Variants in PDE11A observed in about 807,000 individuals in gnomAD.
PDE11A encodes dual 3',5'-cyclic-AMP and -GMP phosphodiesterase 11A.
PDE11A carries 100 observed loss-of-function variants against 100.5 expected under a neutral mutation model. The observed-to-expected ratio is 1.00, with a 90% CI of 0.85 to 1.18. The LOEUF (loss-of-function observed/expected upper bound fraction) is 1.18. Among genes scored for constraint, PDE11A ranks in the 50% most tolerant of loss-of-function variants. PDE11A has a pLI of 0.00. For synonymous variants in PDE11A, 381 were observed against 420.8 expected, an observed-to-expected ratio of 0.91 and a Z score of 1.16; for missense variants, 1,141 against 1,152.6, an observed-to-expected ratio of 0.99 and a Z score of 0.15.
At chr2:177,700,136 A>G (rs1452029754) in intron 14 of PDE11A, among the ~76,000 whole-genome samples, 1 of 152,162 alleles carries the variant, frequency 6.6e-6, no homozygotes, top group African/African-American at 2.4e-5. Context: ...TTAATTCCCA[A>G]CTGAAAATAC....
At chr2:177,639,747 T>C (rs1220799231) in intron 19 of PDE11A, among the ~76,000 whole-genome samples, 1 of 152,186 alleles carries the variant, frequency 6.6e-6, no homozygotes, top group Non-Finnish European at 1.5e-5. Context: ...TGCTTATTAG[T>C]TGACCACAGT....
chr2:177,996,433 T>G (rs111312854), intron 2 of PDE11A, among the ~76,000 whole-genome samples: 1 of 150,778 alleles, frequency 6.6e-6, no homozygotes, highest in East Asian at 1.9e-4. Context: ...AAGTGATTTA[T>G]GTCGTGTAGT....
chr2:177,917,951 T>C (rs1559005941), intron 2 of PDE11A, among the ~76,000 whole-genome samples: 1 of 152,226 alleles, frequency 6.6e-6, no homozygotes, highest in Non-Finnish European at 1.5e-5. Context: ...ATTAATGTAA[T>C]AGTACCCTAA....
Position 177,903,145 on chromosome 2 carries a change from C to T in PDE11A, c.1161+1953G>A, listed in dbSNP as rs568203288. Among the ~76,000 whole-genome samples, 49 of 152,264 alleles carry T rather than the reference C, an allele frequency of 3.2e-4. No individual in the cohort carries two copies. In the South Asian group the frequency reaches 1.0e-2, roughly 31 times the overall value. On this transcript the variant is annotated intron_variant, in intron 3 of 19. Coordinates refer to ENST00000286063, the MANE Select transcript of PDE11A (RefSeq NM_016953.4). ...CACTCTTCCCCTTTCTCTCTGCTCTCTAAACACACTGACCAAGCTTTCTCC... is the reference window on the plus strand; with the variant it reads ...CACTCTTCCCCTTTCTCTCTGCTCTTTAAACACACTGACCAAGCTTTCTCC...
At chr2:177,998,549 T>C in intron 2 of PDE11A, 1 of 1,321,480 alleles carries the variant, frequency 7.6e-7, no homozygotes. Context: ...TAGATACATC[T>C]TCATCTTCAC....
At chr2:178,027,690 A>G (rs374890948) in intron 1 of PDE11A, among the ~76,000 whole-genome samples, 2 of 152,298 alleles carry the variant, frequency 1.3e-5, no homozygotes, top group East Asian at 3.9e-4. Context: ...CCTGCTACCC[A>G]GAATGCCAAA....
At chr2:178,036,652 A>G (rs1420034332) in intron 1 of PDE11A, among the ~76,000 whole-genome samples, 1 of 152,208 alleles carries the variant, frequency 6.6e-6, no homozygotes, top group Non-Finnish European at 1.5e-5. Context: ...CCAAAACAGC[A>G]TGGTACTGGT....
rs544898960 is a variant in PDE11A at position 177,919,129 on chromosome 2, G to A, written c.1072-13942C>T. Among the ~76,000 whole-genome samples, 38 of 149,150 alleles carry A rather than the reference G, an allele frequency of 2.5e-4. 1 individual carries two copies. Among genetic ancestry groups the A allele is most frequent in the South Asian group, 1.1e-3 (5 of 4,680 alleles). ...TTTTTTTTTTTTGAGACAGAGTCTCGCTTTGTTGCCCAGGCTGGAGTGCAG... is the reference window on the plus strand; with the variant it reads ...TTTTTTTTTTTTGAGACAGAGTCTCACTTTGTTGCCCAGGCTGGAGTGCAG... On this transcript the variant is annotated intron_variant, in intron 2 of 19. Transcript: ENST00000286063.
chr2:177,859,122 G>C (rs1477001713), intron 5 of PDE11A, among the ~76,000 whole-genome samples: 1 of 152,062 alleles, frequency 6.6e-6, no homozygotes, highest in Non-Finnish European at 1.5e-5. Context: ...GGGAGGGATA[G>C]CATTAGGAGA....
At chr2:177,992,295 T>C (rs893413739) in intron 2 of PDE11A, among the ~76,000 whole-genome samples, 1 of 151,392 alleles carries the variant, frequency 6.6e-6, no homozygotes, top group Admixed American at 6.6e-5. Context: ...AAACAGTATA[T>C]AAATTAATAC....
chr2:177,699,361 G>A (rs1003009967), intron 14 of PDE11A, among the ~76,000 whole-genome samples: 9 of 152,158 alleles, frequency 5.9e-5, no homozygotes, highest in African/African-American at 1.7e-4. Context: ...TGGGACCACC[G>A]TCGCACCAAT....
At chr2:177,714,880 C>T (rs2081413294) in intron 12 of PDE11A, among the ~76,000 whole-genome samples, 2 of 152,066 alleles carry the variant, frequency 1.3e-5, no homozygotes, top group Non-Finnish European at 2.9e-5. Context: ...CTGGGGACTC[C>T]TTCCTGCAGC....
intron 2 of PDE11A, among the ~76,000 whole-genome samples, chr2:177,926,304 T>C (rs1316116271): frequency 1.3e-5 from 2 of 152,376 alleles, no homozygotes; most frequent in East Asian, 3.9e-4. Flanking sequence ...AAGGAATTTA[T>C]GTTTTCCTTC....
intron 9 of PDE11A, among the ~76,000 whole-genome samples, chr2:177,816,357 A>C (rs1179714979): frequency 1.3e-5 from 2 of 152,202 alleles, no homozygotes; most frequent in Non-Finnish European, 2.9e-5. Flanking sequence ...GAACAGGTCA[A>C]GGTTCTTGAT....
chr2:177,816,768 T>A, intron 9 of PDE11A, 61 bp downstream of exon 9: 1 of 950,472 alleles, frequency 1.1e-6, no homozygotes, highest in African/African-American at 1.6e-5. Context: ...ACCAGGGAAA[T>A]TTTTTCCCTC....
chr2:177,938,930 G>A (rs367974317), intron 2 of PDE11A, among the ~76,000 whole-genome samples: 22 of 152,308 alleles, frequency 1.4e-4, no homozygotes, highest in African/African-American at 5.3e-4. Context: ...GGTACAGAAG[G>A]AAAACAATGT....
At chr2:177,891,666 T>G (rs1465137942) in intron 4 of PDE11A, among the ~76,000 whole-genome samples, 1 of 152,220 alleles carries the variant, frequency 6.6e-6, no homozygotes, top group African/African-American at 2.4e-5. Context: ...GGCAAAGGAT[T>G]ATCTAGAACA....
intron 1 of PDE11A, among the ~76,000 whole-genome samples, chr2:178,042,069 T>G (rs541294542): frequency 2.6e-5 from 4 of 152,344 alleles, no homozygotes; most frequent in African/African-American, 9.6e-5. Context: ...TCTAGGTTCT[T>G]GTGTGAGGAA....
chr2:177,728,207 C>T, intron 10 of PDE11A, 35 bp from the exon 11 acceptor site: 1 of 1,607,062 alleles, frequency 6.2e-7, no homozygotes, highest in South Asian at 1.1e-5. Flanking sequence ...AAGCCAAGTT[C>T]ACCAGCTTTC....
Sources: gnomAD v4.1 joint callset for allele counts (sites outside exome capture counted in the v4.1 genomes callset) on GRCh38, gnomAD v4.1.1 for gene constraint, MANE v1.5 for transcripts, NCBI Gene and HGNC (gene_info 2026-07-23, HGNC 2026-07-21) for gene names.